The following CDC14B variants were observed in gnomAD, a reference collection of about 807,000 sequenced individuals.
The protein encoded by CDC14B is cell division cycle 14B.
CDC14B carries 22 observed loss-of-function variants against 64.2 expected under a neutral mutation model. The ratio of observed to expected loss-of-function variants is 0.34; its 90% CI spans 0.24 to 0.49. The LOEUF (loss-of-function observed/expected upper bound fraction) is 0.49. Among genes scored for constraint, CDC14B ranks in the 20% least tolerant of loss-of-function variants. The pLI, the probability that CDC14B is intolerant of heterozygous loss-of-function variation, is 0.99. For synonymous variants in CDC14B, 191 were observed against 215.8 expected (o/e 0.89, Z 1.01); for missense variants, 498 against 629.9 (o/e 0.79, Z 2.24).
At chr9:96,568,357 A>G (rs900141305) in intron 1 of CDC14B, among the ~76,000 whole-genome samples, 3 of 152,272 alleles carry the variant, frequency 2.0e-5, no homozygotes, top group Admixed American at 6.5e-5. Flanking sequence ...AACGAAATCA[A>G]GAGATAAACT....
At chr9:96,511,945 A>G (rs531184144) in intron 12 of CDC14B, among the ~76,000 whole-genome samples, 6 of 152,320 alleles carry the variant, frequency 3.9e-5, no homozygotes, top group African/African-American at 1.2e-4. Context: ...CCACCAGCCA[A>G]ACAAGTCTTT....
At chr9:96,522,653 A>C (rs1006555156) in intron 11 of CDC14B, 50 bp from the exon 12 acceptor site, 1 of 1,163,552 alleles carries the variant, frequency 8.6e-7, no homozygotes, top group Non-Finnish European at 1.3e-6. Context: ...GCACTTATTA[A>C]TGCAGTACAG....
chr9:96,589,552 T>C (rs1845661223), intron 1 of CDC14B, among the ~76,000 whole-genome samples: 1 of 152,198 alleles, frequency 6.6e-6, no homozygotes, highest in South Asian at 2.1e-4. Flanking sequence ...CTTTGAAATC[T>C]GGACTCTTGA....
At chr9:96,613,096 C>T (rs879724710) in intron 1 of CDC14B, among the ~76,000 whole-genome samples, 8 of 152,236 alleles carry the variant, frequency 5.3e-5, no homozygotes, top group Non-Finnish European at 1.2e-4. Flanking sequence ...GTCAGGTAGT[C>T]ATGGCTTTGC....
At chr9:96,562,054 A>T (rs1207873350) in intron 4 of CDC14B, among the ~76,000 whole-genome samples, 1 of 152,226 alleles carries the variant, frequency 6.6e-6, no homozygotes, top group Non-Finnish European at 1.5e-5. Flanking sequence ...TTACAAATAA[A>T]TGAAATTCAC....
Position 96,614,339 on chromosome 9 carries a change from T to G in CDC14B, c.160+4880A>C, listed in dbSNP as rs866183272. 2.0e-5 allele frequency among the ~76,000 whole-genome samples: 3 copies of G among 152,060 alleles called. No homozygotes were observed. In the South Asian group the frequency reaches 6.2e-4, roughly 32 times the overall value. Reference sequence around the variant, plus strand: ...TCATTGCAGCCTTGAACTCCCAGGCTCAAGTGATTCTCCCACCTCAGCCTC... The same window carrying G: ...TCATTGCAGCCTTGAACTCCCAGGCGCAAGTGATTCTCCCACCTCAGCCTC... On this transcript the variant is annotated intron_variant, in intron 1 of 13. Transcript: ENST00000375241.
At chr9:96,518,930 A>G (rs1836199190) in intron 12 of CDC14B, among the ~76,000 whole-genome samples, 1 of 152,042 alleles carries the variant, frequency 6.6e-6, no homozygotes, top group Non-Finnish European at 1.5e-5. Context: ...AGGTCAGGAG[A>G]TCGAGACCAT....
chr9:96,505,476 T>G (rs1273894162), intron 13 of CDC14B, among the ~76,000 whole-genome samples: 2 of 152,176 alleles, frequency 1.3e-5, no homozygotes, highest in Admixed American at 6.5e-5. Context: ...CGTGAAGACA[T>G]GAGTGAATGC....
chr9:96,545,994 C>T (rs1406267661), intron 5 of CDC14B, among the ~76,000 whole-genome samples: 1 of 152,186 alleles, frequency 6.6e-6, no homozygotes, highest in Non-Finnish European at 1.5e-5. Context: ...GGGGAGGGAT[C>T]CTTGTCACCA....
intron 9 of CDC14B, among the ~76,000 whole-genome samples, 193 bp from the exon 10 acceptor site, chr9:96,523,918 A>G (rs2131560916): frequency 6.6e-6 from 1 of 152,178 alleles, no homozygotes; most frequent in South Asian, 2.1e-4. Flanking sequence ...TCCGGAATGT[A>G]TTTATTATTT....
intron 7 of CDC14B, 49 bp from the exon 8 acceptor site, chr9:96,534,591 C>G (rs3802444): frequency 1.6e-6 from 2 of 1,222,952 alleles, no homozygotes; most frequent in South Asian, 2.5e-5. Flanking sequence ...ATTCTCCCCA[C>G]AACCTCTCTA....
chr9:96,598,655 A>G (rs1408886560), intron 1 of CDC14B, among the ~76,000 whole-genome samples: 1 of 152,194 alleles, frequency 6.6e-6, no homozygotes, highest in East Asian at 1.9e-4. Flanking sequence ...GTCATTAAAA[A>G]AAACTATTCT....
intron 13 of CDC14B, among the ~76,000 whole-genome samples, chr9:96,505,455 C>T (rs950456210): frequency 5.9e-5 from 9 of 152,256 alleles, no homozygotes; most frequent in Middle Eastern, 3.4e-3. Flanking sequence ...CACGCACCAG[C>T]GGAAGGGCTG....
intron 6 of CDC14B, among the ~76,000 whole-genome samples, chr9:96,540,369 A>G (rs1356128877): frequency 6.6e-6 from 1 of 152,158 alleles, no homozygotes; most frequent in Non-Finnish European, 1.5e-5. Context: ...GCGGTGGTGC[A>G]CGCCTGTAAT....
At position 96,618,129 on chromosome 9, in the gene CDC14B, T is replaced by G. The variant is rs534579394; in HGVS notation, c.160+1090A>C. On this transcript the variant is annotated intron_variant, in intron 1 of 13. Coordinates refer to ENST00000375241, the MANE Select transcript of CDC14B (RefSeq NM_033331.4). ...TTCAAAACGAACTTAGTTTCCAGAT[T>G]GTCCATGAACCTAGAATATTATTTC... Among the ~76,000 whole-genome samples the G allele has an allele frequency of 4.6e-5, 7 of 152,342 alleles. No individual in the cohort carries two copies. In the East Asian group the frequency reaches 1.4e-3, roughly 29 times the overall value.
chr9:96,534,503 G>T lies in CDC14B; in HGVS notation c.667C>A (p.Arg223=), dbSNP rs1385844011. The change falls in exon 8 of 14, where the codon CGA becomes AGA. Residue 223 remains arginine (R), a synonymous_variant. Coordinates refer to ENST00000375241, the MANE Select transcript of CDC14B (RefSeq NM_033331.4). The part of the protein sequence containing the change: ...NGDLNWIIPD[R]FIAFCGPHSR... Reference sequence around the variant, plus strand: ...TGAGGTCCACAGAAGGCAATAAATCGGTCTGGTATTATCCAATTTAAATCT... The same window carrying T: ...TGAGGTCCACAGAAGGCAATAAATCTGTCTGGTATTATCCAATTTAAATCT... The T allele has an allele frequency of 1.2e-6, 2 of 1,613,442 alleles. No homozygotes were observed. The highest frequency in any genetic ancestry group is 2.2e-5 in the East Asian group (1 of 44,864).
chr9:96,552,038 G>A (rs1188470190), intron 4 of CDC14B, among the ~76,000 whole-genome samples, 166 bp from the exon 5 acceptor site: 1 of 152,154 alleles, frequency 6.6e-6, no homozygotes, highest in African/African-American at 2.4e-5. Context: ...TTTCTTTTTT[G>A]TTTAAATCCT....
intron 1 of CDC14B, among the ~76,000 whole-genome samples, chr9:96,568,711 T>C (rs1181072857): frequency 6.6e-6 from 1 of 151,688 alleles, no homozygotes; most frequent in South Asian, 2.1e-4. Flanking sequence ...AGGTCAGGAG[T>C]TCGAGACTAG....
downstream of CDC14B, among the ~76,000 whole-genome samples, chr9:96,498,609 ACCAAAAATAT>A (rs1833347352): frequency 6.6e-6 from 1 of 152,242 alleles, no homozygotes; most frequent in Admixed American, 6.5e-5. Context: ...TGCTGCAGGT[ACCAAAAATAT>A]CAGAAACTGA....
Sources: gnomAD v4.1 joint callset for allele counts (sites outside exome capture counted in the v4.1 genomes callset) on GRCh38, gnomAD v4.1.1 for gene constraint, MANE v1.5 for transcripts, NCBI Gene and HGNC (gene_info 2026-07-23, HGNC 2026-07-21) for gene names.